Variants in FAM171A1 observed in about 807,000 individuals in gnomAD.
The protein encoded by FAM171A1 is protein FAM171A1.
Under a neutral mutation model 74.9 loss-of-function variants are expected in FAM171A1, and 23 were observed. The ratio of observed to expected loss-of-function variants is 0.31; its 90% CI spans 0.22 to 0.44. FAM171A1 has a LOEUF of 0.44. FAM171A1 is among the 20% of genes least tolerant of loss of function. The pLI, the probability that FAM171A1 is intolerant of heterozygous loss-of-function variation, is 1.00. For missense variants in FAM171A1, 1,162 were observed against 1,159.2 expected (o/e 1.00, Z -0.03); for synonymous variants, 527 against 505.7 (o/e 1.04, Z -0.57).
At chr10:15,370,436 G>A (rs1357837720) in intron 1 of FAM171A1, among the ~76,000 whole-genome samples, 4 of 149,464 alleles carry the variant, frequency 2.7e-5, no homozygotes, top group Non-Finnish European at 5.9e-5. Flanking sequence ...GCGGACCTCG[G>A]GGCCCCGGGA....
chr10:15,264,138 C>T (rs1432011144), intron 3 of FAM171A1, among the ~76,000 whole-genome samples: 1 of 151,970 alleles, frequency 6.6e-6, no homozygotes, highest in East Asian at 1.9e-4. Context: ...AACACCACAC[C>T]TGGCTAATTT....
intron 3 of FAM171A1, among the ~76,000 whole-genome samples, chr10:15,268,231 T>C (rs1037608207): frequency 6.6e-6 from 1 of 152,076 alleles, no homozygotes; most frequent in South Asian, 2.1e-4. Context: ...GGGAAAACCA[T>C]TGAAGATCCA....
At chr10:15,351,589 A>ATGGATGGATGGATGGC (rs1835878706) in intron 1 of FAM171A1, among the ~76,000 whole-genome samples, 1 of 136,436 alleles carries the variant, frequency 7.3e-6, no homozygotes, top group Non-Finnish European at 1.7e-5. Context: ...GGATGGATGG[A>ATGGATGGATGGATGGC]TGGATGCATG....
At chr10:15,246,012 C>T (rs189050908) in intron 5 of FAM171A1, among the ~76,000 whole-genome samples, 192 of 152,314 alleles carry the variant, frequency 1.3e-3, no homozygotes, top group African/African-American at 4.5e-3. Flanking sequence ...CTCTTGGTCA[C>T]ACATCCCTCA....
chr10:15,216,258 T>C (rs1833965427), intron 6 of FAM171A1, 148 bp from the exon 7 acceptor site: 2 of 511,874 alleles, frequency 3.9e-6, no homozygotes, highest in East Asian at 3.2e-5. Context: ...GATCATGCAC[T>C]TGGGGTACCA....
intron 1 of FAM171A1, among the ~76,000 whole-genome samples, chr10:15,357,532 A>C (rs1040539998): frequency 6.6e-6 from 1 of 152,192 alleles, no homozygotes; most frequent in Non-Finnish European, 1.5e-5. Flanking sequence ...TGGCACCTTG[A>C]TAGGGTTTTG....
chr10:15,213,280 G>A lies in FAM171A1; in HGVS notation c.2308C>T (p.Gln770Ter). The A allele has an allele frequency of 6.2e-7, 1 of 1,614,074 alleles. No homozygotes were observed. The highest frequency in any genetic ancestry group is 8.5e-7 in the Non-Finnish European group (1 of 1,180,022). The change falls in exon 8 of 8, where the codon CAA (glutamine) becomes TAA (stop). Residue 770 changes from glutamine to a stop codon, truncating the protein, a stop_gained. Transcript: ENST00000378116. LOFTEE classifies it high-confidence loss of function. The surrounding 1 kb of genome is among the most constrained non-coding windows in gnomAD (Gnocchi z 6.8). ...CGAGGCTCTTTCTGCTGGTGCTCTT[G>A]GACGGGCGGGTAGTTCTGCTGCAGA... Reference protein sequence around the residue: ...LSLQQNYPPVQEHQQKEPRAP... With the variant: ...LSLQQNYPPV
upstream of FAM171A1, among the ~76,000 whole-genome samples, chr10:15,374,013 G>A (rs1836177144): frequency 6.6e-6 from 1 of 152,302 alleles, no homozygotes; most frequent in African/African-American, 2.4e-5. Flanking sequence ...AGAGGGATGA[G>A]GAAGGGGCTT....
At position 15,212,670 on chromosome 10, in the gene FAM171A1, G is replaced by A; in HGVS notation, c.*245C>T. On this transcript the variant is annotated 3_prime_UTR_variant, in exon 8 of 8. Transcript: ENST00000378116. Reference sequence around the variant, plus strand: ...TGGCGGATACGCCGAGTCCTCGGAAGGACATCTGGACACCACTTTCAGCCA... The same window carrying A: ...TGGCGGATACGCCGAGTCCTCGGAAAGACATCTGGACACCACTTTCAGCCA... 1 of 561,284 alleles carries A rather than the reference G, an allele frequency of 1.8e-6. No homozygotes were observed. The highest frequency in any genetic ancestry group is 3.1e-6 in the Non-Finnish European group (1 of 323,552). The allele number at this position is 561,284 out of a possible 1,614,324, so 34.8% of individuals were successfully genotyped here.
At chr10:15,247,720 G>A (rs1185722382) in intron 5 of FAM171A1, among the ~76,000 whole-genome samples, 3 of 152,066 alleles carry the variant, frequency 2.0e-5, no homozygotes, top group Non-Finnish European at 2.9e-5. Context: ...TGAACCACCC[G>A]CCTCAGCCTC....
At chr10:15,328,088 C>CA (rs1225465185) in intron 1 of FAM171A1, among the ~76,000 whole-genome samples, 2 of 122,882 alleles carry the variant, frequency 1.6e-5, no homozygotes, top group African/African-American at 3.0e-5. Flanking sequence ...CAAAAAAACC[C>CA]AAAAAACAAA....
intron 1 of FAM171A1, among the ~76,000 whole-genome samples, chr10:15,361,940 A>C (rs1413195755): frequency 6.6e-6 from 1 of 152,226 alleles, no homozygotes; most frequent in African/African-American, 2.4e-5. Flanking sequence ...GTGGGAGTAC[A>C]GATTAAAACA....
chr10:15,239,852 T>C (rs567071084), intron 5 of FAM171A1, among the ~76,000 whole-genome samples: 1 of 152,334 alleles, frequency 6.6e-6, no homozygotes, highest in African/African-American at 2.4e-5. Context: ...ACCAGAAGTG[T>C]TTTGGATTTT....
upstream of FAM171A1, among the ~76,000 whole-genome samples, chr10:15,372,878 C>T (rs1273902412): frequency 6.6e-6 from 1 of 152,080 alleles, no homozygotes; most frequent in East Asian, 1.9e-4. Flanking sequence ...CTCCACTTGT[C>T]CCTCTCCACC....
At chr10:15,341,727 A>G (rs1835766702) in intron 1 of FAM171A1, among the ~76,000 whole-genome samples, 1 of 152,236 alleles carries the variant, frequency 6.6e-6, no homozygotes, top group South Asian at 2.1e-4. Context: ...ATAAGCCTGC[A>G]GGGAAACCTG....
Position 15,275,835 on chromosome 10 carries a change from GA to G in FAM171A1, c.418+19del, listed in dbSNP as rs45612734. ...TCCATCAAAAATAACAATAAAAACT[GA>G]AAAAAATATTAAATATACCTTGGAA... On this transcript the variant is annotated intron_variant, in intron 3 of 7. Transcript: ENST00000378116. 562,350 of 1,521,292 alleles carry G rather than the reference GA, an allele frequency of 0.37. 107,961 individuals are homozygous for G. The highest frequency in any genetic ancestry group is 0.59 in the African/African-American group (42,424 of 72,052). The allele number at this position is 1,521,292 out of a possible 1,614,324, so 94.2% of individuals were successfully genotyped here. A position where few individuals can be genotyped will look rare whatever the true frequency, so the allele number is the denominator to read the frequency against.
intron 1 of FAM171A1, among the ~76,000 whole-genome samples, chr10:15,339,630 T>C (rs949238901): frequency 6.6e-6 from 1 of 152,200 alleles, no homozygotes; most frequent in Admixed American, 6.5e-5. Context: ...CTCTTGAGCT[T>C]GATCATCTGG....
At chr10:15,271,402 G>C (rs1018240291) in intron 3 of FAM171A1, among the ~76,000 whole-genome samples, 1 of 152,206 alleles carries the variant, frequency 6.6e-6, no homozygotes, top group African/African-American at 2.4e-5. Flanking sequence ...CCAAATTTAC[G>C]TCTGATTGGT....
intron 1 of FAM171A1, among the ~76,000 whole-genome samples, chr10:15,334,545 A>G (rs1362634403): frequency 6.6e-6 from 1 of 152,238 alleles, no homozygotes; most frequent in African/African-American, 2.4e-5. Context: ...CAAACAAAAG[A>G]AAGATTTCCA....
Sources: allele counts gnomAD v4.1 joint callset (sites outside exome capture counted in the v4.1 genomes callset), GRCh38; gene constraint gnomAD v4.1.1; non-coding constraint Gnocchi (gnomAD v3.1); transcripts MANE v1.5; gene names NCBI Gene and HGNC (gene_info 2026-07-23, HGNC 2026-07-21).